NTM: variants seen among roughly 807,000 people sequenced by gnomAD.
The protein encoded by NTM is neurotrimin, also known as IgLON family member 2.
NTM carries 13 observed loss-of-function variants against 42.1 expected under a neutral mutation model. The observed-to-expected ratio is 0.31, with a 90% confidence interval of 0.20 to 0.49. The LOEUF (loss-of-function observed/expected upper bound fraction) is 0.49, where lower values mean the gene tolerates loss of function less well. Ranked by LOEUF, NTM falls within the 20% of genes least tolerant of loss-of-function variation. NTM has a pLI of 0.99. For missense variants in NTM, 373 were observed against 452.8 expected, an observed-to-expected ratio of 0.82 and a Z score of 1.60; for synonymous variants, 187 against 179.2, an observed-to-expected ratio of 1.04 and a Z score of -0.35.
chr11:132,181,955 T>TTTA (rs56263428), intron 3 of NTM, among the ~76,000 whole-genome samples: 27,365 of 140,822 alleles, frequency 0.19, 2,854 homozygotes, highest in Middle Eastern at 0.31. Flanking sequence ...CACTATCTAG[T>TTTA]TTATTATTAT....
chr11:131,548,301 G>A (rs977025130), intron 1 of NTM, among the ~76,000 whole-genome samples: 1 of 151,822 alleles, frequency 6.6e-6, no homozygotes, highest in African/African-American at 2.4e-5. Flanking sequence ...TTTCCAAGTC[G>A]ATCTTATCCA....
chr11:132,334,990 G>T, intron 8 of NTM, 56 bp from the exon 9 acceptor site: 1 of 1,588,862 alleles, frequency 6.3e-7, no homozygotes. Flanking sequence ...GGCAACCACC[G>T]GGCTTTCCTT....
intron 2 of NTM, among the ~76,000 whole-genome samples, chr11:132,000,244 A>T (rs1167197575): frequency 6.6e-6 from 1 of 152,130 alleles, no homozygotes. Flanking sequence ...GCCCTGTTCC[A>T]ATAGCCTCCT....
chr11:131,457,511 G>A (rs990040029), intron 1 of NTM, among the ~76,000 whole-genome samples: 3 of 152,114 alleles, frequency 2.0e-5, no homozygotes, highest in Admixed American at 6.5e-5. Flanking sequence ...AGCCACTGGG[G>A]GTTATTCCAT....
At chr11:132,318,512 C>T (rs1198225961) in intron 7 of NTM, among the ~76,000 whole-genome samples, 1 of 152,178 alleles carries the variant, frequency 6.6e-6, no homozygotes, top group Non-Finnish European at 1.5e-5. Flanking sequence ...CCAGTCCTCC[C>T]CTGCAAATAT....
chr11:131,965,093 A>G (rs574906002), intron 2 of NTM, among the ~76,000 whole-genome samples: 3 of 152,236 alleles, frequency 2.0e-5, no homozygotes, highest in Admixed American at 2.0e-4. Flanking sequence ...TGGAAATAGA[A>G]TAGGGGAGCA....
At chr11:131,944,967 C>T (rs983218777) in intron 2 of NTM, among the ~76,000 whole-genome samples, 6 of 152,118 alleles carry the variant, frequency 3.9e-5, no homozygotes, top group African/African-American at 9.7e-5. Flanking sequence ...AAGGATAAAA[C>T]CCAGCCTGGA....
At chr11:131,841,590 A>G (rs1046428927) in intron 1 of NTM, among the ~76,000 whole-genome samples, 7 of 152,362 alleles carry the variant, frequency 4.6e-5, no homozygotes, top group South Asian at 2.1e-4. Flanking sequence ...GTCAAGGACG[A>G]GAATTGCTGA....
chr11:132,199,530 G>A (rs368097340), intron 3 of NTM, among the ~76,000 whole-genome samples: 5 of 152,166 alleles, frequency 3.3e-5, no homozygotes, highest in African/African-American at 1.2e-4. Flanking sequence ...ATTTCTCATA[G>A]TAAGTGGTCA....
Position 132,242,247 on chromosome 11 carries a change from G to A in NTM, c.526+30100G>A, listed in dbSNP as rs374320643. On this transcript the variant is annotated intron_variant, in intron 4 of 8. Transcript: ENST00000683400. Reference sequence around the variant, plus strand: ...TTTGCATTATCATCTTTCTTTATCCGCTCTCCAGAGAGTCCCCATCTTAAC... The same window carrying A: ...TTTGCATTATCATCTTTCTTTATCCACTCTCCAGAGAGTCCCCATCTTAAC... Among the ~76,000 whole-genome samples the A allele has an allele frequency of 4.2e-4, 64 of 152,196 alleles. 1 individual carries two copies. The highest frequency in any genetic ancestry group is 1.5e-3 in the African/African-American group (64 of 41,512).
intron 1 of NTM, among the ~76,000 whole-genome samples, chr11:131,719,705 C>A (rs2078112997): frequency 6.6e-6 from 1 of 152,164 alleles, no homozygotes; most frequent in Non-Finnish European, 1.5e-5. Context: ...GCCAAGGGGA[C>A]CCCACTTATT....
intron 1 of NTM, among the ~76,000 whole-genome samples, chr11:131,657,886 C>T (rs2067406171): frequency 6.6e-6 from 1 of 152,094 alleles, no homozygotes; most frequent in Admixed American, 6.6e-5. Flanking sequence ...CATGGCAAAA[C>T]AGAACAGAAC....
chr11:131,802,878 C>T (rs906986270), intron 1 of NTM, among the ~76,000 whole-genome samples: 1 of 152,218 alleles, frequency 6.6e-6, no homozygotes, highest in Middle Eastern at 3.2e-3. Context: ...TGTGCAACAG[C>T]CTTTGCTGCT....
chr11:131,875,086 C>A (rs2048350027), intron 1 of NTM, among the ~76,000 whole-genome samples: 1 of 152,196 alleles, frequency 6.6e-6, no homozygotes, highest in Non-Finnish European at 1.5e-5. Flanking sequence ...CACTTGTTCA[C>A]TGCGCCTTGG....
chr11:131,577,423 G>C (rs1251069815), intron 1 of NTM, among the ~76,000 whole-genome samples: 1 of 152,136 alleles, frequency 6.6e-6, no homozygotes, highest in Non-Finnish European at 1.5e-5. Context: ...GGATAATGGT[G>C]TCTTGATTTT....
At chr11:131,762,279 T>G (rs958957769) in intron 1 of NTM, among the ~76,000 whole-genome samples, 1 of 152,216 alleles carries the variant, frequency 6.6e-6, no homozygotes, top group African/African-American at 2.4e-5. Context: ...AAAGTTCCTA[T>G]GGTCCCAGGA....
chr11:132,067,403 A>G (rs2056683489), intron 2 of NTM, among the ~76,000 whole-genome samples: 1 of 152,158 alleles, frequency 6.6e-6, no homozygotes, highest in African/African-American at 2.4e-5. Flanking sequence ...CCAAAATCTT[A>G]CCTAAGTGTC....
chr11:132,051,211 AT>A (rs918081135), intron 2 of NTM, among the ~76,000 whole-genome samples: 83 of 151,876 alleles, frequency 5.5e-4, no homozygotes, highest in African/African-American at 1.8e-3. Context: ...TATGACGATG[AT>A]TTTTTTTTAT....
intron 1 of NTM, among the ~76,000 whole-genome samples, chr11:131,554,841 A>T (rs1196399043): frequency 6.6e-6 from 1 of 152,148 alleles, no homozygotes; most frequent in African/African-American, 2.4e-5. Context: ...TTCTGAAGAC[A>T]TCATCTCCCA....
Sources: allele counts gnomAD v4.1 joint callset (sites outside exome capture counted in the v4.1 genomes callset), GRCh38; gene constraint gnomAD v4.1.1; transcripts MANE v1.5; gene names NCBI Gene and HGNC (gene_info 2026-07-23, HGNC 2026-07-21).